Variants in BLTP1 observed in about 807,000 individuals in gnomAD.
The protein encoded by BLTP1 is fragile site-associated protein.
chr4:122,265,898 C>A, the BLTP1 span, among the ~76,000 whole-genome samples: 2 of 152,106 alleles, frequency 1.3e-5, no homozygotes, highest in Non-Finnish European at 2.9e-5. Context: ...AGGGTTTCAC[C>A]GTGTTAGCCA....
chr4:122,256,118 G>A, the BLTP1 span: 1 of 984,338 alleles, frequency 1.0e-6, no homozygotes, highest in South Asian at 4.7e-5. Context: ...TCTTCTCCAA[G>A]TTGCTGGCCA....
chr4:122,160,171 GA>G, the BLTP1 span, among the ~76,000 whole-genome samples: 1 of 152,146 alleles, frequency 6.6e-6, no homozygotes, highest in African/African-American at 2.4e-5. Flanking sequence ...ACATCTTCGG[GA>G]ATCTTAGGCT....
At chr4:122,325,301 C>G in the BLTP1 span, 1 of 1,608,470 alleles carries the variant, frequency 6.2e-7, no homozygotes, top group South Asian at 1.1e-5. Flanking sequence ...CCTAGAGTAA[C>G]TTTTAATATC....
chr4:122,207,232 T>G, the BLTP1 span: 1 of 1,610,930 alleles, frequency 6.2e-7, no homozygotes, highest in Non-Finnish European at 8.5e-7. Context: ...TCAACACAAT[T>G]GGATCGACTG....
At chr4:122,215,384 A>G in the BLTP1 span, 10 of 984,838 alleles carry the variant, frequency 1.0e-5, no homozygotes, top group Non-Finnish European at 1.2e-5. Context: ...TCTGTTGGCT[A>G]GGATCATTAA....
At chr4:122,244,808 C>T in the BLTP1 span, among the ~76,000 whole-genome samples, 2 of 152,158 alleles carry the variant, frequency 1.3e-5, no homozygotes, top group Admixed American at 6.6e-5. Flanking sequence ...GTGTGGAACA[C>T]TTCATCTTGG....
chr4:122,207,295 A>T, the BLTP1 span: 9 of 1,561,610 alleles, frequency 5.8e-6, no homozygotes, highest in African/African-American at 1.2e-4. Flanking sequence ...TAGGTTAAAT[A>T]TTTCTCTCAT....
chr4:122,272,080 A>T, the BLTP1 span: 2 of 1,505,878 alleles, frequency 1.3e-6, no homozygotes, highest in Non-Finnish European at 1.8e-6. Flanking sequence ...GAAGGAAAGA[A>T]AGGTAAGACA....
the BLTP1 span, among the ~76,000 whole-genome samples, chr4:122,337,391 A>G: frequency 2.0e-5 from 3 of 152,114 alleles, no homozygotes; most frequent in Non-Finnish European, 4.4e-5. Flanking sequence ...CTTTTTTATA[A>G]TAAAATATTG....
the BLTP1 span, chr4:122,348,633 C>T: frequency 3.1e-6 from 5 of 1,611,934 alleles, no homozygotes; most frequent in Non-Finnish European, 4.2e-6. Flanking sequence ...CAAGGGACCC[C>T]ATGGGAAACA....
the BLTP1 span, chr4:122,346,497 G>A: frequency 7.0e-7 from 1 of 1,419,854 alleles, no homozygotes; most frequent in Non-Finnish European, 9.2e-7. Flanking sequence ...GTGGAAGAAT[G>A]TAACACTAAT....
At chr4:122,193,325 G>A in the BLTP1 span, among the ~76,000 whole-genome samples, 1 of 152,032 alleles carries the variant, frequency 6.6e-6, no homozygotes. Context: ...GAGAGAAGAA[G>A]GCTGTTTGGT....
the BLTP1 span, chr4:122,316,587 G>T: frequency 9.3e-7 from 1 of 1,072,682 alleles, no homozygotes. Flanking sequence ...GAAATTGAAG[G>T]GATTTAAATC....
At chr4:122,205,979 T>C in the BLTP1 span, 1 of 984,860 alleles carries the variant, frequency 1.0e-6, no homozygotes, top group Non-Finnish European at 1.2e-6. Context: ...CAAACTGCTA[T>C]GGTAGATGGT....
the BLTP1 span, among the ~76,000 whole-genome samples, chr4:122,232,521 C>T: frequency 3.9e-5 from 6 of 152,104 alleles, no homozygotes; most frequent in Admixed American, 6.5e-5. Context: ...GCGGGAGAAT[C>T]GCTGGAACCT....
At chr4:122,246,894 C>A in the BLTP1 span, 5 of 1,530,230 alleles carry the variant, frequency 3.3e-6, no homozygotes, top group Non-Finnish European at 3.5e-6. Context: ...TTTAAAAATA[C>A]ATTTCTAAGA....
At chr4:122,345,835 G>A in the BLTP1 span, 1 of 155,880 alleles carries the variant, frequency 6.4e-6, no homozygotes, top group African/African-American at 2.4e-5. Context: ...GGAATGAGGA[G>A]TGGGTTCAAG....
At chr4:122,244,030 A>T in the BLTP1 span, 1 of 1,574,796 alleles carries the variant, frequency 6.4e-7, no homozygotes, top group South Asian at 1.2e-5. Context: ...TTAGACAGGT[A>T]TTGATTTTGT....
At chr4:122,224,720 C>A in the BLTP1 span, 1 of 1,613,478 alleles carries the variant, frequency 6.2e-7, no homozygotes, top group South Asian at 1.1e-5. Context: ...TTTTCTTTTT[C>A]CTTTCTCTAC....
Sources: gnomAD v4.1 joint callset for allele counts (sites outside exome capture counted in the v4.1 genomes callset) on GRCh38, gnomAD v4.1.1 for gene constraint, MANE v1.5 for transcripts, NCBI Gene and HGNC (gene_info 2026-07-23, HGNC 2026-07-21) for gene names.